The following NCOA2 variants were observed in gnomAD, a reference collection of about 807,000 sequenced individuals.
The protein encoded by NCOA2 is nuclear receptor coactivator 2, also known as class E basic helix-loop-helix protein 75.
Under a neutral mutation model 145.1 loss-of-function variants are expected in NCOA2, and 21 were observed. The observed-to-expected ratio is 0.14, with a 90% CI of 0.10 to 0.21. NCOA2 has a LOEUF of 0.21. NCOA2 is among the 10% of genes least tolerant of loss of function. The probability of loss-of-function intolerance (pLI) is 1.00; values close to 1 mark genes in which losing one functional copy is unlikely to be tolerated. For missense variants in NCOA2, 1,472 were observed against 1,837.6 expected (o/e 0.80, Z 3.64); for synonymous variants, 619 against 637.5 (o/e 0.97, Z 0.44).
intron 4 of NCOA2, among the ~76,000 whole-genome samples, chr8:70,205,437 T>C (rs1234823544): frequency 1.3e-5 from 2 of 152,076 alleles, no homozygotes; most frequent in Non-Finnish European, 2.9e-5. Flanking sequence ...AATACAGTAG[T>C]AGGCCAAACT....
intron 12 of NCOA2, among the ~76,000 whole-genome samples, chr8:70,147,114 G>T (rs964568779): frequency 2.7e-5 from 3 of 112,166 alleles, no homozygotes; most frequent in Admixed American, 1.8e-4. Context: ...AATCTTTCGC[G>T]CGCGCGCGCG....
intron 7 of NCOA2, among the ~76,000 whole-genome samples, chr8:70,165,318 C>A (rs1169225340): frequency 2.0e-5 from 3 of 152,190 alleles, no homozygotes; most frequent in Non-Finnish European, 4.4e-5. Flanking sequence ...GCATTCAATG[C>A]CAACCACAGT....
chr8:70,167,589 T>A (rs1187631171), intron 6 of NCOA2, among the ~76,000 whole-genome samples: 1 of 152,228 alleles, frequency 6.6e-6, no homozygotes, highest in African/African-American at 2.4e-5. Flanking sequence ...TTTTCCTAAG[T>A]TGTTCAGTGG....
In NCOA2 at chr8:70,383,228, C is replaced by T. The variant is rs563687503; in HGVS notation, c.-77+20472G>A. ...GATAGTGGATGGGGCTGTGTTATCG[C>T]CTGTGTGAATGTACAGCAACCAGAT... On this transcript the variant is annotated intron_variant, in intron 1 of 22. Coordinates refer to ENST00000452400, the MANE Select transcript of NCOA2 (RefSeq NM_006540.4). Among the ~76,000 whole-genome samples the T allele has an allele frequency of 2.0e-5, 3 of 152,148 alleles. No individual in the cohort carries two copies. In the South Asian group the frequency reaches 6.2e-4, roughly 32 times the overall value.
At chr8:70,341,094 A>AAAAG (rs1808103613) in intron 1 of NCOA2, among the ~76,000 whole-genome samples, 1 of 150,232 alleles carries the variant, frequency 6.7e-6, no homozygotes. Context: ...AAAAAAAAAA[A>AAAAG]AAAGAAACAA....
chr8:70,245,137 T>C (rs1219622209), intron 2 of NCOA2: 1 of 152,022 alleles, frequency 6.6e-6, no homozygotes, highest in Non-Finnish European at 1.5e-5. Context: ...AGCAATAAAT[T>C]TATTGCCTCA....
intron 1 of NCOA2, among the ~76,000 whole-genome samples, chr8:70,383,543 C>CTGCCCAGGCTGGAG (rs1354207859): frequency 1.8e-4 from 27 of 152,208 alleles, no homozygotes; most frequent in Non-Finnish European, 5.9e-5. Context: ...TTCGCTCTTG[C>CTGCCCAGGCTGGAG]TGCCCAGGCT....
intron 2 of NCOA2, among the ~76,000 whole-genome samples, chr8:70,263,803 G>T (rs898293741): frequency 1.3e-5 from 2 of 152,074 alleles, no homozygotes; most frequent in African/African-American, 4.8e-5. Context: ...TCAGAAGAAG[G>T]AATCAGAATG....
chr8:70,199,622 A>T (rs184652577), intron 4 of NCOA2, among the ~76,000 whole-genome samples: 1 of 152,238 alleles, frequency 6.6e-6, no homozygotes, highest in Non-Finnish European at 1.5e-5. Flanking sequence ...GCTGAACAGT[A>T]AACAGGAGTG....
the NCOA2 span, among the ~76,000 whole-genome samples, chr8:70,440,379 C>T: frequency 1.3e-5 from 2 of 152,144 alleles, no homozygotes; most frequent in Admixed American, 6.5e-5. Context: ...TTGAGACTAG[C>T]CTGGCCAAAA....
intron 1 of NCOA2, among the ~76,000 whole-genome samples, chr8:70,337,893 G>A (rs1807764835): frequency 6.6e-6 from 1 of 152,128 alleles, no homozygotes; most frequent in Admixed American, 6.5e-5. Flanking sequence ...TGAAACTAAT[G>A]AGAACAAAGA....
chr8:70,142,484 A>T (rs1810551448), intron 13 of NCOA2, among the ~76,000 whole-genome samples: 1 of 152,098 alleles, frequency 6.6e-6, no homozygotes, highest in Non-Finnish European at 1.5e-5. Flanking sequence ...AGATTGCTTG[A>T]GCCCAGGAAT....
At chr8:70,120,423 G>C (rs926593401) in intron 22 of NCOA2, among the ~76,000 whole-genome samples, 2 of 151,730 alleles carry the variant, frequency 1.3e-5, no homozygotes, top group Admixed American at 6.6e-5. Flanking sequence ...ATTCTCTTTA[G>C]AACAAGTGTT....
intron 5 of NCOA2, 72 bp downstream of exon 5, chr8:70,174,684 C>T (rs1212351840): frequency 1.8e-5 from 24 of 1,368,776 alleles, no homozygotes; most frequent in Admixed American, 1.0e-4. Flanking sequence ...ATTATATTCA[C>T]CTGAAATTAA....
intron 2 of NCOA2, among the ~76,000 whole-genome samples, chr8:70,284,426 G>T (rs1389265257): frequency 6.6e-6 from 1 of 152,192 alleles, no homozygotes; most frequent in Non-Finnish European, 1.5e-5. Context: ...TTTCAAGAGA[G>T]CAATGTCCTA....
chr8:70,225,421 T>C (rs1295910815), intron 2 of NCOA2, among the ~76,000 whole-genome samples: 4 of 151,858 alleles, frequency 2.6e-5, no homozygotes, highest in Non-Finnish European at 5.9e-5. Flanking sequence ...TGTTGGCGCA[T>C]GCCTGTAATC....
chr8:70,378,733 T>A (rs549131635), intron 1 of NCOA2, among the ~76,000 whole-genome samples: 2 of 135,488 alleles, frequency 1.5e-5, no homozygotes, highest in Non-Finnish European at 3.1e-5. Flanking sequence ...CCTGCACTTG[T>A]AGGCTATGCT....
chr8:70,139,415 T>C (rs1810116070), intron 14 of NCOA2, among the ~76,000 whole-genome samples: 1 of 152,212 alleles, frequency 6.6e-6, no homozygotes, highest in Admixed American at 6.5e-5. Flanking sequence ...TTTAAATTTC[T>C]CATTTAATTT....
intron 2 of NCOA2, among the ~76,000 whole-genome samples, chr8:70,251,538 A>G (rs928513017): frequency 6.6e-6 from 1 of 152,086 alleles, no homozygotes; most frequent in African/African-American, 2.4e-5. Context: ...AAATGTATTT[A>G]CTCCTTGAAG....
Sources: allele counts gnomAD v4.1 joint callset (sites outside exome capture counted in the v4.1 genomes callset), GRCh38; gene constraint gnomAD v4.1.1; transcripts MANE v1.5; gene names NCBI Gene and HGNC (gene_info 2026-07-23, HGNC 2026-07-21).